GALNT16: variants seen among roughly 807,000 people sequenced by gnomAD.
GALNT16 encodes UDP-GalNAc:polypeptide N-acetylgalactosaminyltransferase-like protein 1.
Under a neutral mutation model 76.1 loss-of-function variants are expected in GALNT16, and 40 were observed. That is an observed-to-expected ratio of 0.53 (90% CI 0.41 to 0.68). GALNT16 has a LOEUF of 0.68. Among genes scored for constraint, GALNT16 ranks in the 30% least tolerant of loss-of-function variants. The pLI, the probability that GALNT16 is intolerant of heterozygous loss-of-function variation, is 0.00. For missense variants in GALNT16, 621 were observed against 731.9 expected (o/e 0.85, Z 1.75); for synonymous variants, 276 against 285.2 (o/e 0.97, Z 0.32).
At chr14:69,325,709 A>T (rs2045273121) in intron 4 of GALNT16, among the ~76,000 whole-genome samples, 1 of 152,240 alleles carries the variant, frequency 6.6e-6, no homozygotes, top group Non-Finnish European at 1.5e-5. Context: ...CTGGGCTGGT[A>T]GCCACCCCCA....
intron 11 of GALNT16, among the ~76,000 whole-genome samples, chr14:69,340,989 A>G (rs1428457783): frequency 6.6e-6 from 1 of 152,316 alleles, no homozygotes; most frequent in East Asian, 1.9e-4. Flanking sequence ...ATTCATATCT[A>G]TCTCCCTTTT....
chr14:69,287,309 G>GT (rs1594823106), intron 1 of GALNT16, among the ~76,000 whole-genome samples: 2 of 152,346 alleles, frequency 1.3e-5, no homozygotes, highest in East Asian at 3.9e-4. Flanking sequence ...CTCAGGTCTG[G>GT]TTGCTGTTGC....
chr14:69,305,531 T>C (rs971293609), intron 1 of GALNT16, among the ~76,000 whole-genome samples: 3 of 152,202 alleles, frequency 2.0e-5, no homozygotes, highest in African/African-American at 7.2e-5. Context: ...CATTTTTTCA[T>C]ATACCTGTTG....
intron 1 of GALNT16, among the ~76,000 whole-genome samples, chr14:69,306,353 G>T (rs143292259): frequency 6.6e-6 from 1 of 152,098 alleles, no homozygotes; most frequent in Non-Finnish European, 1.5e-5. Flanking sequence ...CCTTGGGAAA[G>T]ACCCCTAAAA....
intron 1 of GALNT16, among the ~76,000 whole-genome samples, chr14:69,294,412 C>T (rs542990267): frequency 9.2e-5 from 14 of 152,258 alleles, no homozygotes; most frequent in Admixed American, 2.0e-4. Flanking sequence ...TGAGCCACCG[C>T]GCCCAGCCCC....
Position 69,328,455 on chromosome 14 carries a change from A to G in GALNT16, c.574A>G (p.Ile192Val). The G allele has an allele frequency of 6.2e-7, 1 of 1,613,980 alleles. No homozygotes were observed. The highest frequency in any genetic ancestry group is 8.5e-7 in the Non-Finnish European group (1 of 1,179,936). The change falls in exon 6 of 15, where the codon ATC becomes GTC. Residue 192 changes from isoleucine to valine, a missense_variant. By Grantham distance (29) the Ile-to-Val change is conservative (BLOSUM62 3). Coordinates refer to ENST00000448469, the MANE Select transcript of GALNT16 (RefSeq NM_001168368.2). Reference sequence around the variant, plus strand: ...CCTATCTACTCCTCTTGTAGGGCTGATCCGGTCCCGAGTGCGTGGGGCGGA... The same window carrying G: ...CCTATCTACTCCTCTTGTAGGGCTGGTCCGGTCCCGAGTGCGTGGGGCGGA... Reference protein sequence around the residue: ...CLRNDRREGLIRSRVRGADVA... With the variant: ...CLRNDRREGLVRSRVRGADVA...
At chr14:69,375,019 T>C in the GALNT16 span, among the ~76,000 whole-genome samples, 3 of 152,240 alleles carry the variant, frequency 2.0e-5, no homozygotes, top group Non-Finnish European at 4.4e-5. Context: ...CTTCCAACAC[T>C]GTTGAATTTG....
downstream of GALNT16, among the ~76,000 whole-genome samples, chr14:69,359,494 T>C (rs1447195308): frequency 6.6e-6 from 1 of 152,196 alleles, no homozygotes; most frequent in Non-Finnish European, 1.5e-5. Flanking sequence ...AGCAATGTGT[T>C]GGTGATGCTG....
chr14:69,345,958 G>A (rs2045557460), intron 12 of GALNT16, among the ~76,000 whole-genome samples: 1 of 152,016 alleles, frequency 6.6e-6, no homozygotes, highest in East Asian at 1.9e-4. Context: ...TGGCATTATG[G>A]CTCACTGCAG....
intron 2 of GALNT16, among the ~76,000 whole-genome samples, chr14:69,321,872 T>C (rs2045192194): frequency 1.3e-5 from 2 of 152,236 alleles, no homozygotes; most frequent in African/African-American, 4.8e-5. Flanking sequence ...CCTGCAGCTG[T>C]GTGCTCAAAG....
chr14:69,375,768 G>C, the GALNT16 span, among the ~76,000 whole-genome samples: 1 of 152,148 alleles, frequency 6.6e-6, no homozygotes, highest in Non-Finnish European at 1.5e-5. Context: ...TGAGTAGTTA[G>C]GACTACAGGC....
rs1200575812 is a variant in GALNT16, at chr14:69,352,164, CAT to C, written c.1674_1675del (p.Ter559ThrfsTer12). The C allele has an allele frequency of 1.2e-6, 2 of 1,609,490 alleles. No homozygotes were observed. Among genetic ancestry groups the C allele is most frequent in the Non-Finnish European group, 1.7e-6 (2 of 1,177,420 alleles). The stretch of plus-strand genomic sequence containing the variant: ...CAGCAGTGGCAGCTGTTGCCACACA[CAT>C]GACGGTAGCCCTGGGGCCTCCTGTA... On this transcript the variant is annotated frameshift_variant and stop_lost, in exon 15 of 15. Transcript: ENST00000448469. LOFTEE classifies it high-confidence loss of function.
intron 1 of GALNT16, among the ~76,000 whole-genome samples, chr14:69,300,216 C>CGGGTG (rs1244627145): frequency 6.6e-6 from 1 of 151,908 alleles, no homozygotes; most frequent in Non-Finnish European, 1.5e-5. Context: ...TGTGTGTGTG[C>CGGGTG]TACACCCGCA....
At chr14:69,384,935 CAGATCCCT>C in the GALNT16 span, among the ~76,000 whole-genome samples, 3 of 152,256 alleles carry the variant, frequency 2.0e-5, no homozygotes, top group African/African-American at 4.8e-5. Context: ...CTCTCTTGGC[CAGATCCCT>C]AGACCTTGTC....
intron 1 of GALNT16, among the ~76,000 whole-genome samples, chr14:69,307,408 G>T (rs1303539807): frequency 6.6e-6 from 1 of 152,192 alleles, no homozygotes; most frequent in Non-Finnish European, 1.5e-5. Flanking sequence ...CAATAAATAT[G>T]TATTGAACAA....
chr14:69,385,685 C>A, the GALNT16 span, among the ~76,000 whole-genome samples: 1 of 151,318 alleles, frequency 6.6e-6, no homozygotes, highest in Non-Finnish European at 1.5e-5. Context: ...GTAATGGCCA[C>A]CTATAAATCC....
the GALNT16 span, among the ~76,000 whole-genome samples, chr14:69,363,326 T>C: frequency 2.0e-5 from 3 of 152,118 alleles, no homozygotes; most frequent in Non-Finnish European, 4.4e-5. Context: ...AAAGCTGCTG[T>C]CGGAAGGCCC....
intron 1 of GALNT16, among the ~76,000 whole-genome samples, chr14:69,283,189 G>A (rs1344500268): frequency 1.3e-5 from 2 of 152,206 alleles, no homozygotes; most frequent in East Asian, 3.8e-4. Context: ...TAAGGTCACA[G>A]AATTACATGA....
chr14:69,382,546 T>C, the GALNT16 span, among the ~76,000 whole-genome samples: 1 of 152,038 alleles, frequency 6.6e-6, no homozygotes, highest in African/African-American at 2.4e-5. Context: ...ACTCATCAAA[T>C]AGTAGGCCAG....
Sources: allele counts gnomAD v4.1 joint callset (sites outside exome capture counted in the v4.1 genomes callset), GRCh38; gene constraint gnomAD v4.1.1; transcripts MANE v1.5; gene names NCBI Gene and HGNC (gene_info 2026-07-23, HGNC 2026-07-21).